DOCK8: variants seen among roughly 807,000 people sequenced by gnomAD.
DOCK8 encodes dedicator of cytokinesis 8, also known as dedicator of cytokinesis protein 8.
In DOCK8, 141 loss-of-function variants were observed where a neutral mutation model predicts 245.6. That is an observed-to-expected ratio of 0.57 (90% confidence interval 0.50 to 0.66). The LOEUF (loss-of-function observed/expected upper bound fraction) is 0.66, where lower values mean the gene tolerates loss of function less well. Among genes scored for constraint, DOCK8 ranks in the 30% least tolerant of loss-of-function variants. The pLI is 0.00. For missense variants in DOCK8, 2,965 were observed against 2,603.4 expected (o/e 1.14, Z -3.02); for synonymous variants, 1,168 against 970.2 (o/e 1.20, Z -3.79).
In DOCK8 at chr9:376,299, C is replaced by T; in HGVS notation, c.2199C>T (p.His733=). The T allele has an allele frequency of 6.2e-7, 1 of 1,607,818 alleles. No individual in the cohort carries two copies. The highest frequency in any genetic ancestry group is 2.2e-5 in the East Asian group (1 of 44,852). ...AAGTGCAAGCTGTTTCTTCTGTACA[C>T]ACCCAGGTAAGGAATGTCAAGGTTA... ...NIEVQAVSSV[H]TQDNHLEKFF... Residue 733 remains histidine, a synonymous_variant, in exon 19 of 48, where the codon CAC becomes CAT. Transcript: ENST00000432829.
In DOCK8 at chr9:236,792, G is replaced by T. The variant is rs188239408; in HGVS notation, c.53+21763G>T. Among the ~76,000 whole-genome samples, 12 of 152,298 alleles carry T rather than the reference G, an allele frequency of 7.9e-5. 1 individual carries two copies. In the East Asian group the frequency reaches 1.5e-3, roughly 20 times the overall value. On this transcript the variant is annotated intron_variant, in intron 1 of 47. Coordinates refer to ENST00000432829, the MANE Select transcript of DOCK8 (RefSeq NM_203447.4). ...AAGCAGTGACTCAGGGACCCAGGCT[G>T]CTTCCATCTTACAGCTCTACCATCT... is the stretch of plus-strand genomic sequence containing the variant.
chr9:275,359 A>G (rs1357096103), intron 2 of DOCK8, among the ~76,000 whole-genome samples: 2 of 152,194 alleles, frequency 1.3e-5, no homozygotes, highest in Non-Finnish European at 2.9e-5. Context: ...GGTGTTTAGA[A>G]GAGAAAAGGA....
intron 38 of DOCK8, among the ~76,000 whole-genome samples, chr9:434,289 G>T (rs929459373): frequency 6.6e-6 from 1 of 152,124 alleles, no homozygotes; most frequent in African/African-American, 2.4e-5. Flanking sequence ...TTTTCCATAT[G>T]CTTTTGTTCC....
chr9:368,329 G>A (rs576476178), intron 15 of DOCK8, 194 bp downstream of exon 15: 15 of 730,686 alleles, frequency 2.1e-5, no homozygotes, highest in East Asian at 1.3e-4. Context: ...TCTCTTTCTC[G>A]GCTTATTCTG....
At chr9:218,511 A>G (rs1398044579) in intron 1 of DOCK8, among the ~76,000 whole-genome samples, 3 of 152,156 alleles carry the variant, frequency 2.0e-5, no homozygotes. Flanking sequence ...TCGTAATAAC[A>G]TTTGCGTTTG....
At chr9:262,765 A>G (rs118041048) in intron 1 of DOCK8, among the ~76,000 whole-genome samples, 2,745 of 152,278 alleles carry the variant, frequency 0.018, 45 homozygotes, top group South Asian at 0.048. Flanking sequence ...ATCTAATTGT[A>G]TACTTTAAAT....
chr9:273,778 CCTAGTTCAAGCAATTCTCCT>C (rs1033281630), intron 2 of DOCK8, among the ~76,000 whole-genome samples: 4 of 148,754 alleles, frequency 2.7e-5, no homozygotes, highest in African/African-American at 1.0e-4. Context: ...ACCTCTGCCT[CCTAGTTCAAGCAATTCTCCT>C]GTAGTTCAAG....
intron 18 of DOCK8, among the ~76,000 whole-genome samples, chr9:372,524 T>A (rs2053338866): frequency 6.6e-6 from 1 of 152,192 alleles, no homozygotes; most frequent in Non-Finnish European, 1.5e-5. Context: ...TTGCATTATC[T>A]ACCACAGAGG....
At chr9:251,407 A>G (rs1351927761) in intron 1 of DOCK8, among the ~76,000 whole-genome samples, 1 of 152,174 alleles carries the variant, frequency 6.6e-6, no homozygotes, top group Non-Finnish European at 1.5e-5. Flanking sequence ...GATTAATGAT[A>G]TTGGAGCCAG....
intron 20 of DOCK8, among the ~76,000 whole-genome samples, chr9:377,504 T>C (rs750751114): frequency 1.3e-5 from 2 of 152,256 alleles, no homozygotes; most frequent in Non-Finnish European, 2.9e-5. Context: ...GAATTTATTT[T>C]ACCTTGAAGA....
At position 385,856 on chromosome 9, in the gene DOCK8, G is replaced by A. The variant is rs548503300; in HGVS notation, c.2779-475G>A. Among the ~76,000 whole-genome samples, 96 of 152,222 alleles carry A rather than the reference G, an allele frequency of 6.3e-4. No individual in the cohort carries two copies. The South Asian group carries it at 0.011, about 18-fold the overall frequency. On this transcript the variant is annotated intron_variant, in intron 22 of 47. Transcript: ENST00000432829. ...AAAATATTAAATTTTTATGTGGACAGGGTTAGCAATTTTCGAATTATTTTG... is the reference window on the plus strand; with the variant it reads ...AAAATATTAAATTTTTATGTGGACAAGGTTAGCAATTTTCGAATTATTTTG...
chr9:415,128 G>A (rs2055932601), intron 29 of DOCK8, among the ~76,000 whole-genome samples, 177 bp downstream of exon 29: 1 of 151,996 alleles, frequency 6.6e-6, no homozygotes, highest in African/African-American at 2.4e-5. Context: ...AACAAAAAAA[G>A]TCACATAGCC....
At chr9:374,140 C>G (rs954431289) in intron 18 of DOCK8, among the ~76,000 whole-genome samples, 1 of 152,198 alleles carries the variant, frequency 6.6e-6, no homozygotes, top group African/African-American at 2.4e-5. Flanking sequence ...AACTCAATTC[C>G]TAAGTAAACA....
chr9:446,972 T>G (rs1195056287), intron 44 of DOCK8, among the ~76,000 whole-genome samples: 1 of 152,116 alleles, frequency 6.6e-6, no homozygotes, highest in Non-Finnish European at 1.5e-5. Flanking sequence ...TAGAGGTGAT[T>G]CAAGCATAGT....
chr9:216,557 C>T (rs77624022), intron 1 of DOCK8, among the ~76,000 whole-genome samples: 1 of 95,134 alleles, frequency 1.1e-5, no homozygotes, highest in Non-Finnish European at 2.3e-5. Context: ...AAAAAAAAAG[C>T]AAAAACAAGG....
chr9:365,444 C>A, intron 14 of DOCK8: 2 of 376,884 alleles, frequency 5.3e-6, no homozygotes, highest in South Asian at 4.0e-5. Flanking sequence ...AGAGTTTGTA[C>A]TTGATAAGGT....
intron 28 of DOCK8, among the ~76,000 whole-genome samples, chr9:409,432 C>T (rs772805216): frequency 1.3e-5 from 2 of 152,118 alleles, no homozygotes; most frequent in Admixed American, 6.5e-5. Flanking sequence ...ATGCAATTTA[C>T]AATTATCTTA....
intron 1 of DOCK8, among the ~76,000 whole-genome samples, chr9:245,928 T>C (rs1453500491): frequency 6.6e-6 from 1 of 152,022 alleles, no homozygotes; most frequent in Non-Finnish European, 1.5e-5. Context: ...CAATTAAAAA[T>C]TGGGCATCTG....
At chr9:457,353 C>A (rs558346675) in intron 46 of DOCK8, among the ~76,000 whole-genome samples, 4 of 152,164 alleles carry the variant, frequency 2.6e-5, no homozygotes, top group African/African-American at 9.7e-5. Context: ...GTACCTCTCC[C>A]TTGCAGTTAG....
Sources: gnomAD v4.1 joint callset for allele counts (sites outside exome capture counted in the v4.1 genomes callset) on GRCh38, gnomAD v4.1.1 for gene constraint, MANE v1.5 for transcripts, NCBI Gene and HGNC (gene_info 2026-07-23, HGNC 2026-07-21) for gene names.